The following ZMYM4 variants were observed in gnomAD, a reference collection of about 807,000 sequenced individuals.
ZMYM4 encodes the protein zinc finger MYM-type protein 4.
In ZMYM4, 31 loss-of-function variants were observed where a neutral mutation model predicts 183.2. That is an observed-to-expected ratio of 0.17 (90% CI 0.13 to 0.23). The LOEUF (loss-of-function observed/expected upper bound fraction) is 0.23, where lower values mean the gene tolerates loss of function less well. Ranked by LOEUF, ZMYM4 falls within the 10% of genes least tolerant of loss-of-function variation. The probability of loss-of-function intolerance (pLI) is 1.00; values close to 1 mark genes in which losing one functional copy is unlikely to be tolerated. For missense variants in ZMYM4, 1,273 were observed against 1,840.3 expected, an observed-to-expected ratio of 0.69 and a Z score of 5.64; for synonymous variants, 592 against 631.2, an observed-to-expected ratio of 0.94 and a Z score of 0.93.
intron 7 of ZMYM4, among the ~76,000 whole-genome samples, chr1:35,373,267 C>T (rs1306449381): frequency 6.6e-6 from 1 of 151,142 alleles, no homozygotes; most frequent in Non-Finnish European, 1.5e-5. Flanking sequence ...CACACACCCA[C>T]ACCCCCCACA....
In ZMYM4 at chr1:35,389,754, C is replaced by CAAA. The variant is rs1173420649; in HGVS notation, c.2437-181_2437-179dup. On this transcript the variant is annotated intron_variant, in intron 14 of 29. Transcript: ENST00000314607. The surrounding 1 kb of genome is among the most constrained non-coding windows in gnomAD (Gnocchi z 4.0). ...TGGGCGATAGAGCAAGGCTCTGTCT[C>CAAA]AAAAAAAAAAAAAAATATATATATA... 8.9e-4 allele frequency among the ~76,000 whole-genome samples: 81 copies of CAAA among 91,520 alleles called. No individual in the cohort carries two copies. The highest frequency in any genetic ancestry group is 2.9e-3 in the African/African-American group (78 of 27,022). 60.0% of individuals were successfully genotyped at this position (91,520 alleles called of 152,430 possible).
chr1:35,299,620 A>G (rs559588752), intron 1 of ZMYM4, among the ~76,000 whole-genome samples: 25 of 152,228 alleles, frequency 1.6e-4, no homozygotes, highest in Non-Finnish European at 1.2e-4. Context: ...GTGAAGTTAC[A>G]AAGTTATACT....
intron 2 of ZMYM4, among the ~76,000 whole-genome samples, chr1:35,349,103 C>T (rs1261086518): frequency 6.6e-6 from 1 of 152,150 alleles, no homozygotes; most frequent in Non-Finnish European, 1.5e-5. Context: ...TCAAGCGATT[C>T]TCGTGCCTCA....
intron 2 of ZMYM4, among the ~76,000 whole-genome samples, chr1:35,356,671 A>G (rs914318574): frequency 6.6e-6 from 1 of 152,202 alleles, no homozygotes; most frequent in African/African-American, 2.4e-5. Context: ...AGGAAGAGTC[A>G]TAGCTATCTC....
At chr1:35,316,006 C>T (rs1363507280) in intron 1 of ZMYM4, among the ~76,000 whole-genome samples, 3 of 152,102 alleles carry the variant, frequency 2.0e-5, no homozygotes, top group Admixed American at 6.5e-5. Flanking sequence ...ATTAGACCTA[C>T]TTTTTATAGT....
intron 1 of ZMYM4, among the ~76,000 whole-genome samples, chr1:35,291,147 AAGG>A (rs1382715263): frequency 6.6e-6 from 1 of 152,096 alleles, no homozygotes; most frequent in East Asian, 1.9e-4. Context: ...TCTTGGGTAA[AAGG>A]AGTAGGATTA....
intron 2 of ZMYM4, among the ~76,000 whole-genome samples, chr1:35,349,755 G>A (rs896451282): frequency 1.3e-5 from 2 of 151,050 alleles, no homozygotes; most frequent in Non-Finnish European, 1.5e-5. Flanking sequence ...GCTTGAACCC[G>A]GGCAGTGGAA....
At chr1:35,336,237 T>G (rs1467858309) in intron 2 of ZMYM4, among the ~76,000 whole-genome samples, 2 of 152,208 alleles carry the variant, frequency 1.3e-5, no homozygotes, top group African/African-American at 4.8e-5. Flanking sequence ...TTGTACCATG[T>G]TGAACATTCT....
chr1:35,383,554 AG>A (rs1308659282), intron 9 of ZMYM4, among the ~76,000 whole-genome samples: 1 of 152,096 alleles, frequency 6.6e-6, no homozygotes, highest in African/African-American at 2.4e-5. Context: ...TTGTTCTCAA[AG>A]AAAAAAAAAA....
intron 2 of ZMYM4, among the ~76,000 whole-genome samples, chr1:35,336,843 C>T (rs1642994780): frequency 6.6e-6 from 1 of 152,196 alleles, no homozygotes; most frequent in African/African-American, 2.4e-5. Flanking sequence ...GTCCTCATGT[C>T]TCTACAAAAG....
chr1:35,273,246 A>G (rs889596069), intron 1 of ZMYM4, among the ~76,000 whole-genome samples: 3 of 152,162 alleles, frequency 2.0e-5, no homozygotes, highest in African/African-American at 4.8e-5. Flanking sequence ...GTGCCTATAC[A>G]TGAAGGCGTT....
At position 35,397,171 on chromosome 1, in the gene ZMYM4, T is replaced by G. The variant is rs1303000335; in HGVS notation, c.3031-206T>G. On this transcript the variant is annotated intron_variant, in intron 19 of 29. Coordinates refer to ENST00000314607, the MANE Select transcript of ZMYM4 (RefSeq NM_005095.3). ...CTTTTAGAGGATTCAGAGACATAAT[T>G]GGTTGAGTGTCCAAAGCACTTATTG... The G allele has an allele frequency of 7.3e-6, 8 of 1,089,604 alleles. No homozygotes were observed. The East Asian group carries it at 2.7e-4, about 37-fold the overall frequency. The allele number at this position is 1,089,604 out of a possible 1,614,324, so 67.5% of individuals were successfully genotyped here.
chr1:35,418,080 T>C (rs765504002), intron 28 of ZMYM4, among the ~76,000 whole-genome samples: 20 of 152,160 alleles, frequency 1.3e-4, no homozygotes, highest in Admixed American at 2.6e-4. Context: ...GAACCCTTCT[T>C]TCTGCTTTAT....
intron 2 of ZMYM4, among the ~76,000 whole-genome samples, chr1:35,328,577 T>A (rs2148827177): frequency 6.7e-6 from 1 of 149,640 alleles, no homozygotes; most frequent in South Asian, 2.1e-4. Flanking sequence ...ATTACAGGAG[T>A]GAGCCACCAC....
intron 2 of ZMYM4, among the ~76,000 whole-genome samples, chr1:35,347,298 C>T (rs2148874985): frequency 6.6e-6 from 1 of 152,350 alleles, no homozygotes; most frequent in East Asian, 1.9e-4. Flanking sequence ...TGAGCCACCG[C>T]ACCCAGCCTT....
At chr1:35,415,445 T>TC in intron 27 of ZMYM4, 21 bp from the exon 28 acceptor site, 1 of 1,614,048 alleles carries the variant, frequency 6.2e-7, no homozygotes, top group South Asian at 1.1e-5. Flanking sequence ...TACTGTTTCT[T>TC]GTACCCCTTC....
intron 1 of ZMYM4, among the ~76,000 whole-genome samples, chr1:35,274,892 C>T (rs989824240): frequency 2.0e-5 from 3 of 152,152 alleles, no homozygotes; most frequent in African/African-American, 7.2e-5. Flanking sequence ...TCAATTATTA[C>T]TTGAACTGGT....
Position 35,389,781 on chromosome 1 carries a change from A to ATATGTGTGTGTGTG in ZMYM4, c.2437-166_2437-165insATGTGTGTGTGTGT, listed in dbSNP as rs1553179061. ...AAAAAAAAAAAAAATATATATATAT[A>ATATGTGTGTGTGTG]TGTGTGTGTGTGTGTGTGTGTGTGT... is the stretch of plus-strand genomic sequence containing the variant. On this transcript the variant is annotated intron_variant, in intron 14 of 29. Transcript: ENST00000314607. This position sits in a 1 kb window ranked among gnomAD's most constrained non-coding sequence, Gnocchi z 4.0. Among the ~76,000 whole-genome samples, 378 of 141,448 alleles carry ATATGTGTGTGTGTG rather than the reference A, an allele frequency of 2.7e-3. 9 individuals are homozygous for ATATGTGTGTGTGTG. In the East Asian group the frequency reaches 0.066, roughly 25 times the overall value. The allele number at this position is 141,448 out of a possible 152,430, so 92.8% of individuals were successfully genotyped here.
At chr1:35,318,104 A>C (rs1182320335) in intron 1 of ZMYM4, among the ~76,000 whole-genome samples, 1 of 141,094 alleles carries the variant, frequency 7.1e-6, no homozygotes, top group Non-Finnish European at 1.5e-5. Flanking sequence ...TATCACCCAG[A>C]CTGGAGTACA....
Sources: allele counts gnomAD v4.1 joint callset (sites outside exome capture counted in the v4.1 genomes callset), GRCh38; gene constraint gnomAD v4.1.1; non-coding constraint Gnocchi (gnomAD v3.1); transcripts MANE v1.5; gene names NCBI Gene and HGNC (gene_info 2026-07-23, HGNC 2026-07-21).